C7orf78: variants seen among roughly 807,000 people sequenced by gnomAD.
The protein encoded by C7orf78 is chromosome 7 open reading frame 78.
chr7:12,534,985 A>AGGAAGGAAGGAAGGAT, the C7orf78 span, among the ~76,000 whole-genome samples: 1 of 147,380 alleles, frequency 6.8e-6, no homozygotes, highest in African/African-American at 2.6e-5. Flanking sequence ...GAGGGAAGGA[A>AGGAAGGAAGGAAGGAT]GGAAGGAAGG....
the C7orf78 span, chr7:12,531,159 T>G: frequency 2.5e-6 from 1 of 397,808 alleles, no homozygotes; most frequent in Non-Finnish European, 4.4e-6. Context: ...CTACTCAATT[T>G]CTGTTTTAAA....
At chr7:12,507,584 G>A in the C7orf78 span, 1 of 153,674 alleles carries the variant, frequency 6.5e-6, no homozygotes, top group Non-Finnish European at 1.5e-5. Flanking sequence ...TATAAGCGTA[G>A]GTTTTGATGT....
At chr7:12,506,370 T>TA in the C7orf78 span, among the ~76,000 whole-genome samples, 68,854 of 151,868 alleles carry the variant, frequency 0.45, 15,905 homozygotes, top group African/African-American at 0.48. Context: ...CTATTCACAA[T>TA]GCAAAGACTT....
the C7orf78 span, among the ~76,000 whole-genome samples, chr7:12,539,574 C>G: frequency 6.6e-6 from 1 of 152,120 alleles, no homozygotes; most frequent in African/African-American, 2.4e-5. Context: ...TTTTAAAAAG[C>G]CCCATAGGGA....
chr7:12,517,338 G>A, the C7orf78 span, among the ~76,000 whole-genome samples: 2 of 152,114 alleles, frequency 1.3e-5, no homozygotes, highest in Non-Finnish European at 2.9e-5. Context: ...ATGAGGAACT[G>A]TAAGTCCAAT....
the C7orf78 span, among the ~76,000 whole-genome samples, chr7:12,540,593 C>T: frequency 6.6e-6 from 1 of 152,182 alleles, no homozygotes. Flanking sequence ...TTCAAGATGG[C>T]ACTCCAAAAC....
chr7:12,537,144 A>C, the C7orf78 span, among the ~76,000 whole-genome samples: 12 of 152,326 alleles, frequency 7.9e-5, no homozygotes, highest in Non-Finnish European at 1.5e-4. Context: ...CTGCTGATAA[A>C]GACATACCCA....
At chr7:12,526,783 C>A in the C7orf78 span, among the ~76,000 whole-genome samples, 3 of 151,878 alleles carry the variant, frequency 2.0e-5, no homozygotes, top group African/African-American at 7.3e-5. Flanking sequence ...AACATGTCAA[C>A]TTTCCTAGTA....
At chr7:12,530,834 G>T in the C7orf78 span, among the ~76,000 whole-genome samples, 1 of 152,138 alleles carries the variant, frequency 6.6e-6, no homozygotes, top group Non-Finnish European at 1.5e-5. Flanking sequence ...CTGAAATTCT[G>T]CCCTAGTCAC....
chr7:12,518,568 C>G, the C7orf78 span, among the ~76,000 whole-genome samples: 1 of 152,080 alleles, frequency 6.6e-6, no homozygotes, highest in African/African-American at 2.4e-5. Flanking sequence ...TGTGTTTGTG[C>G]TGTTGGCAGC....
the C7orf78 span, among the ~76,000 whole-genome samples, chr7:12,499,499 G>A: frequency 6.7e-6 from 1 of 148,638 alleles, no homozygotes; most frequent in Non-Finnish European, 1.5e-5. Context: ...TTACATAATG[G>A]TAAAGGGATC....
the C7orf78 span, among the ~76,000 whole-genome samples, chr7:12,540,414 A>G: frequency 6.6e-6 from 1 of 152,334 alleles, no homozygotes; most frequent in African/African-American, 2.4e-5. Flanking sequence ...ATTGGCATTT[A>G]TACATCAAAC....
chr7:12,486,771 C>A, the C7orf78 span, among the ~76,000 whole-genome samples: 1 of 151,874 alleles, frequency 6.6e-6, no homozygotes, highest in Non-Finnish European at 1.5e-5. Context: ...TTCTGCATAT[C>A]GGATAATATT....
the C7orf78 span, among the ~76,000 whole-genome samples, chr7:12,532,012 T>G: frequency 6.6e-6 from 1 of 152,150 alleles, no homozygotes; most frequent in African/African-American, 2.4e-5. Flanking sequence ...CACCCCACCC[T>G]AATCTTATTA....
chr7:12,484,479 A>G, the C7orf78 span, among the ~76,000 whole-genome samples: 1 of 152,244 alleles, frequency 6.6e-6, no homozygotes, highest in Non-Finnish European at 1.5e-5. Context: ...AAAATTCAAC[A>G]GAAAATTTAA....
chr7:12,489,624 G>T, the C7orf78 span, among the ~76,000 whole-genome samples: 2 of 152,078 alleles, frequency 1.3e-5, no homozygotes, highest in Non-Finnish European at 2.9e-5. Context: ...TTCTTCACCT[G>T]TATCTAGAAG....
chr7:12,508,157 G>T, the C7orf78 span, among the ~76,000 whole-genome samples: 4 of 152,108 alleles, frequency 2.6e-5, no homozygotes, highest in Non-Finnish European at 5.9e-5. Context: ...ATTTTTGAGG[G>T]TCATTTAGTT....
chr7:12,493,507 G>T, the C7orf78 span, among the ~76,000 whole-genome samples: 5 of 152,144 alleles, frequency 3.3e-5, no homozygotes, highest in African/African-American at 1.2e-4. Flanking sequence ...TGACTCAGCA[G>T]GTTTGAGATA....
chr7:12,528,688 G>T, the C7orf78 span, among the ~76,000 whole-genome samples: 1 of 152,208 alleles, frequency 6.6e-6, no homozygotes, highest in African/African-American at 2.4e-5. Context: ...AGAAATAAAA[G>T]GTGGGATTGG....
Sources: gnomAD v4.1 joint callset for allele counts (sites outside exome capture counted in the v4.1 genomes callset) on GRCh38, gnomAD v4.1.1 for gene constraint, MANE v1.5 for transcripts, NCBI Gene and HGNC (gene_info 2026-07-23, HGNC 2026-07-21) for gene names.